The following NUS1 variants were observed in gnomAD, a reference collection of about 807,000 sequenced individuals.
NUS1 encodes the protein dehydrodolichyl diphosphate synthase complex subunit NUS1.
For missense variants in NUS1, 292 were observed against 382.9 expected (o/e 0.76, Z 1.98); for synonymous variants, 135 against 155.2 (o/e 0.87, Z 0.97).
chr6:117,680,127 C>T (rs1276757724), intron 1 of NUS1, among the ~76,000 whole-genome samples: 1 of 152,160 alleles, frequency 6.6e-6, no homozygotes, highest in Non-Finnish European at 1.5e-5. Flanking sequence ...TTGTTTTTCA[C>T]TACCTGCAAT....
At chr6:117,695,537 A>T (rs1183044176) in intron 3 of NUS1, among the ~76,000 whole-genome samples, 1 of 152,222 alleles carries the variant, frequency 6.6e-6, no homozygotes, top group African/African-American at 2.4e-5. Context: ...ATGGAGATCC[A>T]AAGATGACCT....
At chr6:117,695,828 T>G (rs1777825374) in intron 3 of NUS1, among the ~76,000 whole-genome samples, 3 of 151,666 alleles carry the variant, frequency 2.0e-5, no homozygotes, top group Admixed American at 1.3e-4. Flanking sequence ...GTCTTTTATG[T>G]CTTGCTTTGT....
At chr6:117,685,589 TGA>T (rs1773125316) in intron 1 of NUS1, among the ~76,000 whole-genome samples, 1 of 152,104 alleles carries the variant, frequency 6.6e-6, no homozygotes, top group African/African-American at 2.4e-5. Context: ...TGACCTCAAG[TGA>T]TCCTCCCATC....
chr6:117,705,989 G>A (rs1013930780), intron 4 of NUS1, among the ~76,000 whole-genome samples: 1 of 152,140 alleles, frequency 6.6e-6, no homozygotes, highest in African/African-American at 2.4e-5. Flanking sequence ...TCCTTTCAAG[G>A]TAGGTTTGTT....
At chr6:117,689,651 T>G (rs1773187830) in intron 1 of NUS1, among the ~76,000 whole-genome samples, 1 of 152,222 alleles carries the variant, frequency 6.6e-6, no homozygotes, top group Non-Finnish European at 1.5e-5. Context: ...AGCCTTGAAC[T>G]CCTGGACTCA....
intron 1 of NUS1, among the ~76,000 whole-genome samples, chr6:117,676,910 A>C (rs1772992080): frequency 6.6e-6 from 1 of 152,186 alleles, no homozygotes; most frequent in African/African-American, 2.4e-5. Context: ...GGTGGGGGTC[A>C]GGTGGTATTT....
Position 117,696,145 on chromosome 6 carries a change from A to T in NUS1, c.691+1965A>T, listed in dbSNP as rs530736969. 7.9e-5 allele frequency among the ~76,000 whole-genome samples: 12 copies of T among 152,226 alleles called. 1 individual carries two copies. The highest frequency in any genetic ancestry group is 7.8e-4 in the Admixed American group (12 of 15,290). ...CTGGAGTTGAAAATGCAGTTGACATACTGAAAATGCATCAGAGTCTCTTAA... is the reference window on the plus strand; with the variant it reads ...CTGGAGTTGAAAATGCAGTTGACATTCTGAAAATGCATCAGAGTCTCTTAA... On this transcript the variant is annotated intron_variant, in intron 3 of 4. Transcript: ENST00000368494.
chr6:117,682,494 A>T (rs1325231671), intron 1 of NUS1, among the ~76,000 whole-genome samples: 1 of 152,164 alleles, frequency 6.6e-6, no homozygotes, highest in Non-Finnish European at 1.5e-5. Context: ...CCAACTACTC[A>T]GGAGGCTGAG....
In NUS1 at chr6:117,693,075, A is replaced by G. The variant is rs2114686713; in HGVS notation, c.449A>G (p.Asp150Gly). The change falls in exon 2 of 5, where the codon GAT becomes GGT. Residue 150 changes from aspartate to glycine, a missense_variant. Coordinates refer to ENST00000368494, the MANE Select transcript of NUS1 (RefSeq NM_138459.5). Reference sequence around the variant, plus strand: ...AAAAGAAATAATTCCAGATTGATGGATGAAATTTTAAAACAACAGCAAGAA... The same window carrying G: ...AAAAGAAATAATTCCAGATTGATGGGTGAAATTTTAAAACAACAGCAAGAA... ...IFKRNNSRLMDEILKQQQELL... is the reference protein window; with the variant it reads ...IFKRNNSRLMGEILKQQQELL... The G allele has an allele frequency of 1.2e-6, 2 of 1,608,022 alleles. No homozygotes were observed. Among genetic ancestry groups the G allele is most frequent in the East Asian group, 2.2e-5 (1 of 44,714 alleles).
At chr6:117,700,996 A>G (rs1358075032) in intron 3 of NUS1, among the ~76,000 whole-genome samples, 1 of 149,846 alleles carries the variant, frequency 6.7e-6, no homozygotes, top group Non-Finnish European at 1.5e-5. Context: ...GAGGCTGGCT[A>G]CTGTGTACAA....
In NUS1 at chr6:117,706,964, T is replaced by C; in HGVS notation, c.831T>C (p.Phe277=). The part of the protein sequence containing the change: ...PSHLNISYED[F]FSALRQYAAC... The stretch of plus-strand genomic sequence containing the variant: ...ACCTAAACATCAGTTATGAGGACTT[T>C]TTCTCTGCCCTTCGTCAATATGCAG... The change falls in exon 5 of 5, where the codon TTT becomes TTC. Residue 277 remains phenylalanine (F), a synonymous_variant. Coordinates refer to ENST00000368494, the MANE Select transcript of NUS1 (RefSeq NM_138459.5). 1 of 1,613,040 alleles carries C rather than the reference T, an allele frequency of 6.2e-7. No homozygotes were observed. Among genetic ancestry groups the C allele is most frequent in the Non-Finnish European group, 8.5e-7 (1 of 1,179,148 alleles).
intron 4 of NUS1, 149 bp downstream of exon 4, chr6:117,703,853 G>C (rs1255116243): frequency 1.5e-6 from 1 of 653,060 alleles, no homozygotes. Context: ...GTAAAATAAA[G>C]TCATACATAA....
chr6:117,683,470 C>T (rs540656442), intron 1 of NUS1, among the ~76,000 whole-genome samples: 1 of 152,196 alleles, frequency 6.6e-6, no homozygotes, highest in East Asian at 1.9e-4. Flanking sequence ...CTGAAGATTG[C>T]TCTCTAGTCG....
chr6:117,698,581 C>G (rs1350455782), intron 3 of NUS1, among the ~76,000 whole-genome samples: 2 of 152,022 alleles, frequency 1.3e-5, no homozygotes, highest in Non-Finnish European at 2.9e-5. Flanking sequence ...TTGCTGGATT[C>G]TACCAAACAT....
intron 3 of NUS1, among the ~76,000 whole-genome samples, chr6:117,699,133 A>T (rs763550904): frequency 6.6e-6 from 1 of 152,170 alleles, no homozygotes; most frequent in Non-Finnish European, 1.5e-5. Context: ...TTAGCATAGC[A>T]CTGGCGGTCC....
intron 1 of NUS1, among the ~76,000 whole-genome samples, chr6:117,688,346 TTAG>T (rs1388174589): frequency 1.3e-5 from 2 of 152,130 alleles, no homozygotes; most frequent in African/African-American, 4.8e-5. Flanking sequence ...CTTAGCATAA[TTAG>T]TAGGGCTTTG....
Position 117,693,172 on chromosome 6 carries a change from G to T in NUS1, c.541+5G>T. On this transcript the variant is annotated splice_donor_5th_base_variant and intron_variant, in intron 2 of 4. Transcript: ENST00000368494. ...GTAATGACAAAGATGATCAAGGTAAGCATGAGTGTATAATTGAACATGTAA... is the reference window on the plus strand; with the variant it reads ...GTAATGACAAAGATGATCAAGGTAATCATGAGTGTATAATTGAACATGTAA... The T allele has an allele frequency of 6.2e-7, 1 of 1,611,460 alleles. No homozygotes were observed. Among genetic ancestry groups the T allele is most frequent in the Non-Finnish European group, 8.5e-7 (1 of 1,178,526 alleles).
rs1233686143 is a variant in NUS1 at position 117,688,487 on chromosome 6, T to TTACAATTTTAAATCACCTGCTGTCCTAC, written c.416-4551_416-4524dup. 1.1e-4 allele frequency among the ~76,000 whole-genome samples: 16 copies of TTACAATTTTAAATCACCTGCTGTCCTAC among 152,138 alleles called. No homozygotes were observed. In the East Asian group the frequency reaches 3.1e-3, roughly 29 times the overall value. On this transcript the variant is annotated intron_variant, in intron 1 of 4. Coordinates refer to ENST00000368494, the MANE Select transcript of NUS1 (RefSeq NM_138459.5). ...TAAATTATAAACCACTTTATAGCAA[T>TTACAATTTTAAATCACCTGCTGTCCTAC]TACAATTTTAAATCACCTGCTGTCC... is the stretch of plus-strand genomic sequence containing the variant.
At chr6:117,701,512 G>A (rs1260409179) in intron 3 of NUS1, among the ~76,000 whole-genome samples, 2 of 152,038 alleles carry the variant, frequency 1.3e-5, no homozygotes, top group East Asian at 3.9e-4. Flanking sequence ...CCAAAGTGCT[G>A]GGATTACAGG....
Sources: gnomAD v4.1 joint callset for allele counts (sites outside exome capture counted in the v4.1 genomes callset) on GRCh38, gnomAD v4.1.1 for gene constraint, MANE v1.5 for transcripts, NCBI Gene and HGNC (gene_info 2026-07-23, HGNC 2026-07-21) for gene names.